The following C10orf53 variants were observed in gnomAD, a reference collection of about 807,000 sequenced individuals.
C10orf53 encodes UPF0728 protein C10orf53.
C10orf53 carries 8 observed loss-of-function variants against 9.4 expected under a neutral mutation model. That is an observed-to-expected ratio of 0.85 (90% CI 0.50 to 1.53). The LOEUF (loss-of-function observed/expected upper bound fraction) is 1.53. Ranked by LOEUF, C10orf53 falls within the 40% of genes most tolerant of loss-of-function variation. The pLI is 0.00. For synonymous variants in C10orf53, 48 were observed against 46.0 expected, an observed-to-expected ratio of 1.04 and a Z score of -0.18; for missense variants, 117 against 117.8, an observed-to-expected ratio of 0.99 and a Z score of 0.03.
Position 49,693,946 on chromosome 10 carries a change from C to A in C10orf53, c.217+53C>A, listed in dbSNP as rs772900350. The A allele has an allele frequency of 3.7e-6, 6 of 1,610,444 alleles. No individual in the cohort carries two copies. In the South Asian group the frequency reaches 5.5e-5, roughly 15 times the overall value. ...AGCAATTTGCCTCCTCTGAGGAGTC[C>A]CTCAATTTCTAGTTGAAATGATCAG... On this transcript the variant is annotated intron_variant, in intron 2 of 2. Coordinates refer to ENST00000374111, the MANE Select transcript of C10orf53 (RefSeq NM_001042427.3).
chr10:49,701,156 G>T (rs1840679836), downstream of C10orf53, among the ~76,000 whole-genome samples: 2 of 152,180 alleles, frequency 1.3e-5, no homozygotes, highest in African/African-American at 2.4e-5. Context: ...CTCCAGCGGA[G>T]GGCAGCACTC....
At chr10:49,701,419 T>A (rs1236403119), downstream of C10orf53, among the ~76,000 whole-genome samples, 1 of 152,186 alleles carries the variant, frequency 6.6e-6, no homozygotes, top group Non-Finnish European at 1.5e-5. Flanking sequence ...TAACTTTTAT[T>A]TTACACTTAG....
At chr10:49,701,700 C>T (rs1840684438), downstream of C10orf53, among the ~76,000 whole-genome samples, 1 of 152,068 alleles carries the variant, frequency 6.6e-6, no homozygotes, top group South Asian at 2.1e-4. Flanking sequence ...TCAGGCCCTC[C>T]TTGAAGCCTG....
At chr10:49,679,978 T>C (rs1256905563) in intron 1 of C10orf53, among the ~76,000 whole-genome samples, 184 bp downstream of exon 1, 1 of 152,262 alleles carries the variant, frequency 6.6e-6, no homozygotes, top group Non-Finnish European at 1.5e-5. Context: ...AAGGCTCTTC[T>C]ATCCAAGAGT....
At chr10:49,689,501 C>G (rs1840561530) in intron 1 of C10orf53, among the ~76,000 whole-genome samples, 1 of 152,134 alleles carries the variant, frequency 6.6e-6, no homozygotes, top group East Asian at 1.9e-4. Context: ...CCAGCTGTTC[C>G]ATTTCTCAAT....
At chr10:49,681,749 G>T (rs867002859) in intron 1 of C10orf53, among the ~76,000 whole-genome samples, 6 of 152,172 alleles carry the variant, frequency 3.9e-5, no homozygotes, top group Non-Finnish European at 5.9e-5. Context: ...TATGGGGAGA[G>T]CGGGGAGCAA....
chr10:49,682,634 C>T (rs550073921), intron 1 of C10orf53, among the ~76,000 whole-genome samples: 1 of 152,258 alleles, frequency 6.6e-6, no homozygotes, highest in Admixed American at 6.5e-5. Context: ...TTGGTCCCGC[C>T]CATGTCCTGC....
exon 3 of C10orf53, chr10:49,708,864 T>C: frequency 1.8e-6 from 1 of 551,856 alleles, no homozygotes; most frequent in Non-Finnish European, 3.2e-6. Flanking sequence ...CTTACTCAAT[T>C]TGGGAACTTG....
intron 1 of C10orf53, among the ~76,000 whole-genome samples, chr10:49,680,772 AGAGGATGGAGGTGG>A (rs1840471760): frequency 6.6e-6 from 1 of 152,168 alleles, no homozygotes. Flanking sequence ...GTACTTCCTG[AGAGGATGGAGGTGG>A]GAGGTAAGGG....
rs1840707863 is a variant in C10orf53, at chr10:49,704,354, A to C, written c.218-4007A>C. Among the ~76,000 whole-genome samples, 3 of 152,366 alleles carry C rather than the reference A, an allele frequency of 2.0e-5. No homozygotes were observed. In the South Asian group the frequency reaches 6.2e-4, roughly 32 times the overall value. ...CCCACAGAAAGAAGACAAAAATGTAAGGAGGCAATTCACAGAAAAGGAAAC... is the reference window on the plus strand; with the variant it reads ...CCCACAGAAAGAAGACAAAAATGTACGGAGGCAATTCACAGAAAAGGAAAC... On this transcript the variant is annotated intron_variant, in intron 2 of 2. Coordinates refer to the C10orf53 transcript ENST00000374112.
rs1208808883 is a variant in C10orf53, at chr10:49,695,382, G to A, written c.*780G>A. 1 of 152,176 alleles carries A rather than the reference G, an allele frequency of 6.6e-6. No individual in the cohort carries two copies. Among genetic ancestry groups the A allele is most frequent in the East Asian group, 1.9e-4 (1 of 5,204 alleles). The allele number at this position is 152,176 out of a possible 1,614,324, so 9.4% of individuals were successfully genotyped here. The stretch of plus-strand genomic sequence containing the variant: ...TTCCACTCTTACGCACCAATGTGTA[G>A]TATATATTCTTAACTATAGAGTAAC... On this transcript the variant is annotated 3_prime_UTR_variant, in exon 3 of 3. Coordinates refer to ENST00000374111, the MANE Select transcript of C10orf53 (RefSeq NM_001042427.3).
chr10:49,694,155 G>T (rs1840612239), intron 2 of C10orf53: 1 of 594,784 alleles, frequency 1.7e-6, no homozygotes, highest in Non-Finnish European at 2.9e-6. Flanking sequence ...GACTTCGAGG[G>T]ATGTGATGGA....
chr10:49,690,826 T>G (rs1313984092), intron 1 of C10orf53, among the ~76,000 whole-genome samples: 1 of 152,042 alleles, frequency 6.6e-6, no homozygotes, highest in Non-Finnish European at 1.5e-5. Flanking sequence ...TGCGCGGGGG[T>G]GTGTGTATGC....
At position 49,695,923 on chromosome 10, in the gene C10orf53, C is replaced by T. The variant is rs186341720; in HGVS notation, c.*1321C>T. ...TTTTTTCAAAACCCAGTTTAAGTTA[C>T]TATAGATGTAGCATTCAATCTTTGT... is the stretch of plus-strand genomic sequence containing the variant. On this transcript the variant is annotated 3_prime_UTR_variant, in exon 3 of 3. Transcript: ENST00000374111. 13 of 152,150 alleles carry T rather than the reference C, an allele frequency of 8.5e-5. No individual in the cohort carries two copies. Among genetic ancestry groups the T allele is most frequent in the African/African-American group, 2.9e-4 (12 of 41,486 alleles). The allele number at this position is 152,150 out of a possible 1,614,324, so 9.4% of individuals were successfully genotyped here.
intron 2 of C10orf53, 82 bp from the exon 3 acceptor site, chr10:49,694,456 G>T: frequency 6.4e-7 from 1 of 1,568,740 alleles, no homozygotes. Context: ...AATGCACTCT[G>T]GGTGGAAGCC....
intron 2 of C10orf53, among the ~76,000 whole-genome samples, chr10:49,707,583 T>C (rs1037261598): frequency 1.1e-4 from 16 of 152,204 alleles, no homozygotes; most frequent in Non-Finnish European, 4.4e-5. Flanking sequence ...CTTGACTGAT[T>C]CTTGTCTTTA....
chr10:49,698,859 G>C (rs1840658273), downstream of C10orf53, among the ~76,000 whole-genome samples: 1 of 152,180 alleles, frequency 6.6e-6, no homozygotes, highest in South Asian at 2.1e-4. Context: ...GGCAGCAGCA[G>C]ACTGAGGGCA....
downstream of C10orf53, among the ~76,000 whole-genome samples, chr10:49,702,245 G>GAGGA (rs1840689969): frequency 6.9e-6 from 1 of 144,848 alleles, no homozygotes; most frequent in South Asian, 2.3e-4. Context: ...GGGAGGGAGG[G>GAGGA]AGGGAGGGAG....
intron 1 of C10orf53, among the ~76,000 whole-genome samples, chr10:49,687,905 G>A (rs2030145826): frequency 6.6e-6 from 1 of 152,142 alleles, no homozygotes; most frequent in Non-Finnish European, 1.5e-5. Flanking sequence ...TTTGGAAGAA[G>A]AAATTTAAGA....
Sources: gnomAD v4.1 joint callset for allele counts (sites outside exome capture counted in the v4.1 genomes callset) on GRCh38, gnomAD v4.1.1 for gene constraint, MANE v1.5 for transcripts, NCBI Gene and HGNC (gene_info 2026-07-23, HGNC 2026-07-21) for gene names.